The following SPATA31A6 variants were observed in gnomAD, a reference collection of about 807,000 sequenced individuals.
The protein encoded by SPATA31A6 is spermatogenesis-associated protein 31A6.
A neutral mutation model predicts 11.9 loss-of-function variants in SPATA31A6; 9 were observed. The observed-to-expected ratio is 0.76, with a 90% CI of 0.46 to 1.32. The LOEUF (loss-of-function observed/expected upper bound fraction) is 1.32. Among genes scored for constraint, SPATA31A6 ranks in the 40% most tolerant of loss-of-function variants. The pLI, the probability that SPATA31A6 is intolerant of heterozygous loss-of-function variation, is 0.00. For missense variants in SPATA31A6, 855 were observed against 1,467.3 expected, an observed-to-expected ratio of 0.58 and a Z score of 6.82; for synonymous variants, 314 against 572.1, an observed-to-expected ratio of 0.55 and a Z score of 6.44.
chr9:42,186,370 G>T lies in SPATA31A6; in HGVS notation c.668G>T (p.Gly223Val). 6 of 1,456,498 alleles carry T rather than the reference G, an allele frequency of 4.1e-6. No individual in the cohort carries two copies. Among genetic ancestry groups the T allele is most frequent in the South Asian group, 1.2e-5 (1 of 83,672 alleles). The allele number at this position is 1,456,498 out of a possible 1,614,324, so 90.2% of individuals were successfully genotyped here. ...PLACSPPPPKGFTAPPLRDST... is the reference protein window; with the variant it reads ...PLACSPPPPKVFTAPPLRDST... Reference sequence around the variant, plus strand: ...GCCTGCTCTCCGCCTCCTCCAAAAGGCTTCACTGCTCCTCCCCTGCGGGAC... The same window carrying T: ...GCCTGCTCTCCGCCTCCTCCAAAAGTCTTCACTGCTCCTCCCCTGCGGGAC... The change falls in exon 4 of 4, where the codon GGC becomes GTC. Residue 223 changes from glycine (G) to valine (V), a missense_variant. Coordinates refer to ENST00000332857, the MANE Select transcript of SPATA31A6 (RefSeq NM_001145196.1).
At position 42,186,693 on chromosome 9, in the gene SPATA31A6, C is replaced by T. The variant is rs763383084; in HGVS notation, c.991C>T (p.Gln331Ter). The part of the protein sequence containing the change: ...SSDGQNVVGI[Q>*]VTETAKVNIW... Reference sequence around the variant, plus strand: ...TGATGGCCAGAATGTCGTGGGGATACAAGTCACAGAAACAGCCAAGGTCAA... The same window carrying T: ...TGATGGCCAGAATGTCGTGGGGATATAAGTCACAGAAACAGCCAAGGTCAA... Residue 331 changes from glutamine to a stop codon, truncating the protein, a stop_gained, in exon 4 of 4, where the codon CAA (glutamine) becomes TAA (stop). Transcript: ENST00000332857. LOFTEE classifies it low-confidence loss of function (END_TRUNC). 1 of 1,531,160 alleles carries T rather than the reference C, an allele frequency of 6.5e-7. No individual in the cohort carries two copies. Among genetic ancestry groups the T allele is most frequent in the Non-Finnish European group, 8.8e-7 (1 of 1,139,432 alleles). 94.8% of individuals were successfully genotyped at this position (1,531,160 alleles called of 1,614,324 possible).
rs746893890 is a variant in SPATA31A6, at chr9:42,185,698, G to C, written c.251G>C (p.Gly84Ala). The change falls in exon 3 of 4, where the codon GGT (glycine) becomes GCT (alanine). Residue 84 changes from glycine (G) to alanine (A), a missense_variant. Transcript: ENST00000332857. ...AACCCAGTCTCCTGATTTCCAGCTG[G>C]TAGAGAGTGCCCGAGAGGCCTGGAG... ...GRMKNHSLRA[G>A]RECPRGLEET... 5.5e-6 allele frequency: 8 copies of C among 1,449,192 alleles called. No homozygotes were observed. In the East Asian group the frequency reaches 2.0e-4, roughly 37 times the overall value. The allele number at this position is 1,449,192 out of a possible 1,614,324, so 89.8% of individuals were successfully genotyped here. A position where few individuals can be genotyped will look rare whatever the true frequency, so the allele number is the denominator to read the frequency against.
rs771839559 is a variant in SPATA31A6, at chr9:42,187,345, T to C, written c.1643T>C (p.Leu548Pro). The C allele has an allele frequency of 3.9e-6, 6 of 1,537,896 alleles. 1 individual carries two copies. The African/African-American group carries it at 9.3e-5, about 24-fold the overall frequency. ...GAATGGCCTTTGTTGAGGAAACAAC[T>C]AGAAGGTAGGTTGGCTTTACCCTCT... ...HPEWPLLRKQ[L>P]EGRLALPSRV... Residue 548 changes from leucine (L) to proline (P), a missense_variant, in exon 4 of 4, where the codon CTA becomes CCA. Physicochemically the swap from Leu to Pro is moderately conservative, Grantham distance 98. Transcript: ENST00000332857.
rs1301157022 is a variant in SPATA31A6 at position 42,189,762 on chromosome 9, C to A, written c.*28C>A. On this transcript the variant is annotated 3_prime_UTR_variant, in exon 4 of 4. Coordinates refer to ENST00000332857, the MANE Select transcript of SPATA31A6 (RefSeq NM_001145196.1). The stretch of plus-strand genomic sequence containing the variant: ...TGGTCAGTCACAAATTCTTTTTTAG[C>A]CTTCCCTGGAGAAAAACAAGTCCCC... 1.6e-5 allele frequency: 23 copies of A among 1,408,596 alleles called. 2 individuals carry two copies. Among genetic ancestry groups the A allele is most frequent in the East Asian group, 2.7e-5 (1 of 37,270 alleles). The allele number at this position is 1,408,596 out of a possible 1,614,324, so 87.3% of individuals were successfully genotyped here.
Position 42,184,462 on chromosome 9 carries a change from T to A in SPATA31A6, c.189+586T>A, listed in dbSNP as rs1470284293. ...CTCTGTGTGTGTGTGTGTGTGTGTGTGTGTGTGTGTGTGTGTGTGTTATTT... is the reference window on the plus strand; with the variant it reads ...CTCTGTGTGTGTGTGTGTGTGTGTGAGTGTGTGTGTGTGTGTGTGTTATTT... On this transcript the variant is annotated intron_variant, in intron 1 of 3. Coordinates refer to ENST00000332857, the MANE Select transcript of SPATA31A6 (RefSeq NM_001145196.1). Among the ~76,000 whole-genome samples, 7 of 133,962 alleles carry A rather than the reference T, an allele frequency of 5.2e-5. No individual in the cohort carries two copies. In the East Asian group the frequency reaches 1.6e-3, roughly 30 times the overall value. The allele number at this position is 133,962 out of a possible 152,430, so 87.9% of individuals were successfully genotyped here. A position where few individuals can be genotyped will look rare whatever the true frequency, so the allele number is the denominator to read the frequency against.
intron 1 of SPATA31A6, among the ~76,000 whole-genome samples, chr9:42,184,402 G>A (rs1412864846): frequency 7.5e-6 from 1 of 134,130 alleles, no homozygotes; most frequent in Non-Finnish European, 1.6e-5. Context: ...AACAGGGACT[G>A]AAGGTGTCCG....
In SPATA31A6 at chr9:42,183,968, C is replaced by A. The variant is rs1249549310; in HGVS notation, c.189+92C>A. The A allele has an allele frequency of 9.3e-6, 14 of 1,501,310 alleles. 1 individual carries two copies. The allele number at this position is 1,501,310 out of a possible 1,614,324, so 93.0% of individuals were successfully genotyped here. ...TTTTCCAAATCCAGTGGAGAGCCTT[C>A]TATGATGGGAAGTCTCAGAAGAGAC... On this transcript the variant is annotated intron_variant, in intron 1 of 3. Coordinates refer to ENST00000332857, the MANE Select transcript of SPATA31A6 (RefSeq NM_001145196.1).
Position 42,184,665 on chromosome 9 carries a change from G to A in SPATA31A6, c.190-404G>A, listed in dbSNP as rs1366159127. Among the ~76,000 whole-genome samples the A allele has an allele frequency of 1.5e-5, 2 of 135,298 alleles. 1 individual carries two copies. The highest frequency in any genetic ancestry group is 3.1e-5 in the Non-Finnish European group (2 of 64,128). The allele number at this position is 135,298 out of a possible 152,430, so 88.8% of individuals were successfully genotyped here. On this transcript the variant is annotated intron_variant, in intron 1 of 3. Coordinates refer to ENST00000332857, the MANE Select transcript of SPATA31A6 (RefSeq NM_001145196.1). The stretch of plus-strand genomic sequence containing the variant: ...CTGTCTTAGCGTCCTGAATAGCTGG[G>A]GATTACAGGCGCCCACCACCATGCC...
rs1181061936 is a variant in SPATA31A6 at position 42,187,112 on chromosome 9, G to A, written c.1410G>A (p.Gln470=). The change falls in exon 4 of 4, where the codon CAG becomes CAA. Residue 470 remains glutamine (Q), a synonymous_variant. Coordinates refer to ENST00000332857, the MANE Select transcript of SPATA31A6 (RefSeq NM_001145196.1). ...TGTCCCCACTGCTTTTCCAGGCCCA[G>A]CCCCTGTCCCACCGCCAACCCTTTA... is the stretch of plus-strand genomic sequence containing the variant. ...TTMSPLLFQA[Q]PLSHRQPFIS... The A allele has an allele frequency of 4.5e-6, 7 of 1,539,072 alleles. 1 individual carries two copies. The African/African-American group carries it at 6.1e-5, about 13-fold the overall frequency.
At position 42,186,987 on chromosome 9, in the gene SPATA31A6, G is replaced by T; in HGVS notation, c.1285G>T (p.Ala429Ser). The change falls in exon 4 of 4, where the codon GCT becomes TCT. Residue 429 changes from alanine (A) to serine (S), a missense_variant. Ala to Ser is a moderately conservative substitution (Grantham distance 99). Coordinates refer to ENST00000332857, the MANE Select transcript of SPATA31A6 (RefSeq NM_001145196.1). The stretch of plus-strand genomic sequence containing the variant: ...CTCTCTGCACAGCGAGTCCCTGGTG[G>T]CTAACGCCTGGGTAACTGACAGGTC... ...LPSLHSESLV[A>S]NAWVTDRSYT... 1.3e-6 allele frequency: 2 copies of T among 1,545,582 alleles called. 1 individual carries two copies. Among genetic ancestry groups the T allele is most frequent in the Non-Finnish European group, 1.8e-6 (2 of 1,142,036 alleles).
chr9:42,188,776 C>A lies in SPATA31A6; in HGVS notation c.3074C>A (p.Ala1025Asp). The part of the protein sequence containing the change: ...TKSETQPQVC[A>D]AVVLLPDGQA... ...TCAGAGACCCAGCCTCAAGTTTGTG[C>A]CGCTGTTGTGCTCCTTCCAGATGGG... The change falls in exon 4 of 4, where the codon GCC (alanine) becomes GAC (aspartate). Residue 1025 changes from alanine to aspartate, a missense_variant. Coordinates refer to ENST00000332857, the MANE Select transcript of SPATA31A6 (RefSeq NM_001145196.1). The A allele has an allele frequency of 6.7e-7, 1 of 1,485,174 alleles. No individual in the cohort carries two copies. The highest frequency in any genetic ancestry group is 2.4e-5 in the East Asian group (1 of 41,652). The allele number at this position is 1,485,174 out of a possible 1,614,324, so 92.0% of individuals were successfully genotyped here.
rs1829395730 is a variant in SPATA31A6, at chr9:42,183,975, G to A, written c.189+99G>A. ...AATCCAGTGGAGAGCCTTCTATGAT[G>A]GGAAGTCTCAGAAGAGACCAGAACA... On this transcript the variant is annotated intron_variant, in intron 1 of 3. Transcript: ENST00000332857. The A allele has an allele frequency of 6.0e-6, 9 of 1,492,660 alleles. 1 individual carries two copies. Among genetic ancestry groups the A allele is most frequent in the Middle Eastern group, 2.4e-4 (1 of 4,152 alleles). 92.5% of individuals were successfully genotyped at this position (1,492,660 alleles called of 1,614,324 possible). A position where few individuals can be genotyped will look rare whatever the true frequency, so the allele number is the denominator to read the frequency against.
At position 42,186,683 on chromosome 9, in the gene SPATA31A6, C is replaced by T. The variant is rs1390172251; in HGVS notation, c.981C>T (p.Val327=). The T allele has an allele frequency of 9.1e-6, 14 of 1,531,232 alleles. 2 individuals carry two copies. The highest frequency in any genetic ancestry group is 1.1e-5 in the South Asian group (1 of 87,326). 94.9% of individuals were successfully genotyped at this position (1,531,232 alleles called of 1,614,324 possible). A position where few individuals can be genotyped will look rare whatever the true frequency, so the allele number is the denominator to read the frequency against. The change falls in exon 4 of 4, where the codon GTC becomes GTT. Residue 327 remains valine (V), a synonymous_variant. Coordinates refer to ENST00000332857, the MANE Select transcript of SPATA31A6 (RefSeq NM_001145196.1). ...LFLLSSDGQN[V]VGIQVTETAK... ...TGCTCAGCTCTGATGGCCAGAATGT[C>T]GTGGGGATACAAGTCACAGAAACAG... is the stretch of plus-strand genomic sequence containing the variant.
At chr9:42,185,553 C>A in intron 2 of SPATA31A6, 142 bp from the exon 3 acceptor site, 1 of 1,103,594 alleles carries the variant, frequency 9.1e-7, no homozygotes, top group South Asian at 1.4e-5. Context: ...CTATTAACGT[C>A]GGGGTCATGT....
In SPATA31A6 at chr9:42,183,928, T is replaced by C; in HGVS notation, c.189+52T>C. The C allele has an allele frequency of 1.3e-6, 2 of 1,524,470 alleles. 1 individual carries two copies. Among genetic ancestry groups the C allele is most frequent in the Non-Finnish European group, 1.8e-6 (2 of 1,135,700 alleles). 94.4% of individuals were successfully genotyped at this position (1,524,470 alleles called of 1,614,324 possible). On this transcript the variant is annotated intron_variant, in intron 1 of 3. Transcript: ENST00000332857. ...AGAGCTTGATTCTCTCCTTTCTTTT[T>C]ATTATTAGTTCCACTTTTCCAAATC...
rs1287236832 is a variant in SPATA31A6, at chr9:42,184,578, G to A, written c.190-491G>A. Among the ~76,000 whole-genome samples, 2 of 134,374 alleles carry A rather than the reference G, an allele frequency of 1.5e-5. 1 individual carries two copies. The highest frequency in any genetic ancestry group is 3.1e-5 in the Non-Finnish European group (2 of 64,076). The allele number at this position is 134,374 out of a possible 152,430, so 88.2% of individuals were successfully genotyped here. Reference sequence around the variant, plus strand: ...GGAGTCTCGCTCTGTGACGCAGGTTGCAGTGAAATGGAGTGATATAGGCTC... The same window carrying A: ...GGAGTCTCGCTCTGTGACGCAGGTTACAGTGAAATGGAGTGATATAGGCTC... On this transcript the variant is annotated intron_variant, in intron 1 of 3. Transcript: ENST00000332857.
In SPATA31A6 at chr9:42,185,484, T is replaced by TG. The variant is rs1046709691; in HGVS notation, c.248-205dup. ...AGGGCAGTTGTGAGGACTGTGGGGG[T>TG]GGGGGGTCCGTGTGTGGAAGCCTGT... On this transcript the variant is annotated intron_variant, in intron 2 of 3. Coordinates refer to ENST00000332857, the MANE Select transcript of SPATA31A6 (RefSeq NM_001145196.1). 8 of 830,252 alleles carry TG rather than the reference T, an allele frequency of 9.6e-6. 1 individual carries two copies. The highest frequency in any genetic ancestry group is 6.0e-5 in the African/African-American group (3 of 49,806). The allele number at this position is 830,252 out of a possible 1,614,324, so 51.4% of individuals were successfully genotyped here.
rs1297787167 is a variant in SPATA31A6, at chr9:42,184,993, C to T, written c.190-76C>T. 8 of 1,400,724 alleles carry T rather than the reference C, an allele frequency of 5.7e-6. 1 individual carries two copies. The Admixed American group carries it at 9.4e-5, about 16-fold the overall frequency. 86.8% of individuals were successfully genotyped at this position (1,400,724 alleles called of 1,614,324 possible). On this transcript the variant is annotated intron_variant, in intron 1 of 3. Coordinates refer to ENST00000332857, the MANE Select transcript of SPATA31A6 (RefSeq NM_001145196.1). ...AGAGAGGGAGAGCCAGTCCTAGCTT[C>T]TCGCCCTTTCTTGTCTCCCATTGTC... is the stretch of plus-strand genomic sequence containing the variant.
Position 42,189,430 on chromosome 9 carries a change from C to T in SPATA31A6, c.3728C>T (p.Pro1243Leu), listed in dbSNP as rs143470447. 429 of 1,562,172 alleles carry T rather than the reference C, an allele frequency of 2.7e-4. 72 individuals are homozygous for T. In the African/African-American group the frequency reaches 6.2e-3, roughly 22 times the overall value. The change falls in exon 4 of 4, where the codon CCC (proline) becomes CTC (leucine). Residue 1243 changes from proline to leucine, a missense_variant. Coordinates refer to ENST00000332857, the MANE Select transcript of SPATA31A6 (RefSeq NM_001145196.1). ...QKFQAPVCGF[P>L]CNHRHLFYSE... ...TTTCAAGCCCCAGTCTGTGGGTTTCCCTGCAACCACAGGCACCTCTTCTAC... is the reference window on the plus strand; with the variant it reads ...TTTCAAGCCCCAGTCTGTGGGTTTCTCTGCAACCACAGGCACCTCTTCTAC...
Sources: gnomAD v4.1 joint callset for allele counts (sites outside exome capture counted in the v4.1 genomes callset) on GRCh38, gnomAD v4.1.1 for gene constraint, MANE v1.5 for transcripts, NCBI Gene and HGNC (gene_info 2026-07-23, HGNC 2026-07-21) for gene names.